Variants in LDLRAD3 observed in about 807,000 individuals in gnomAD.
The protein encoded by LDLRAD3 is low density lipoprotein receptor class A domain containing 3.
LDLRAD3 carries 20 observed loss-of-function variants against 29.4 expected under a neutral mutation model. The observed-to-expected ratio is 0.68, with a 90% CI of 0.48 to 0.99. The LOEUF (loss-of-function observed/expected upper bound fraction) is 0.99. Among genes scored for constraint, LDLRAD3 ranks in the 50% least tolerant of loss-of-function variants. The pLI, the probability that LDLRAD3 is intolerant of heterozygous loss-of-function variation, is 0.00. For missense variants in LDLRAD3, 420 were observed against 454.3 expected, an observed-to-expected ratio of 0.92 and a Z score of 0.69; for synonymous variants, 157 against 192.7, an observed-to-expected ratio of 0.81 and a Z score of 1.53.
chr11:36,120,277 G>C (rs1853736708), intron 4 of LDLRAD3, among the ~76,000 whole-genome samples: 1 of 152,036 alleles, frequency 6.6e-6, no homozygotes, highest in African/African-American at 2.4e-5. Context: ...TAAATGGTTA[G>C]ATCTCTTCTT....
At chr11:36,167,645 G>C (rs369439567) in intron 4 of LDLRAD3, among the ~76,000 whole-genome samples, 2 of 152,172 alleles carry the variant, frequency 1.3e-5, no homozygotes, top group East Asian at 3.9e-4. Context: ...CACCAGCAGC[G>C]AGGAAGAGAC....
intron 1 of LDLRAD3, among the ~76,000 whole-genome samples, chr11:36,011,851 T>G (rs1160111300): frequency 6.6e-6 from 1 of 152,150 alleles, no homozygotes; most frequent in African/African-American, 2.4e-5. Context: ...GTGCAGGCTC[T>G]AACACATAGT....
intron 4 of LDLRAD3, among the ~76,000 whole-genome samples, chr11:36,182,789 C>T (rs1267638360): frequency 6.6e-6 from 1 of 152,212 alleles, no homozygotes. Context: ...AAACCACAGA[C>T]ATCCCCCTTC....
intron 2 of LDLRAD3, among the ~76,000 whole-genome samples, chr11:36,065,109 A>C (rs1852770612): frequency 6.6e-6 from 1 of 152,210 alleles, no homozygotes; most frequent in Non-Finnish European, 1.5e-5. Context: ...TTGAAGATGG[A>C]GTACTGAAGT....
intron 1 of LDLRAD3, chr11:35,968,589 T>C: frequency 5.2e-6 from 1 of 194,086 alleles, no homozygotes. Flanking sequence ...TTCTCTGGGA[T>C]CTGGCTCTGG....
intron 4 of LDLRAD3, among the ~76,000 whole-genome samples, chr11:36,173,956 T>G (rs1233145986): frequency 1.3e-5 from 2 of 152,144 alleles, no homozygotes; most frequent in East Asian, 3.8e-4. Context: ...CTGCCTGACT[T>G]CAAACTACAC....
rs1381270110 is a variant in LDLRAD3, at chr11:36,150,685, G to A, written c.454+52224G>A. Among the ~76,000 whole-genome samples, 4 of 152,116 alleles carry A rather than the reference G, an allele frequency of 2.6e-5. No homozygotes were observed. The East Asian group carries it at 7.7e-4, about 29-fold the overall frequency. On this transcript the variant is annotated intron_variant, in intron 4 of 5. Transcript: ENST00000315571. ...CAGGAGAATGGTGTGAACCCAGGAG[G>A]CAGAGGTTGCCGTGAGCCAAGATTG...
intron 4 of LDLRAD3, among the ~76,000 whole-genome samples, chr11:36,144,219 G>A (rs61879007): frequency 0.18 from 27,140 of 151,334 alleles, 2,862 homozygotes; most frequent in East Asian, 0.32. Flanking sequence ...ACAGAGTTGC[G>A]TTCACTCAGT....
chr11:36,043,735 G>GT (rs1342541062), intron 2 of LDLRAD3, among the ~76,000 whole-genome samples: 3 of 151,952 alleles, frequency 2.0e-5, no homozygotes, highest in African/African-American at 7.3e-5. Flanking sequence ...GAGATGTCCG[G>GT]TTTTTTTTCT....
At chr11:36,020,921 C>T (rs1027099973) in intron 1 of LDLRAD3, among the ~76,000 whole-genome samples, 1 of 152,050 alleles carries the variant, frequency 6.6e-6, no homozygotes, top group African/African-American at 2.4e-5. Context: ...GCCATTAGTG[C>T]CAAAGAGGTA....
intron 4 of LDLRAD3, among the ~76,000 whole-genome samples, chr11:36,135,161 G>A (rs893364339): frequency 3.9e-5 from 6 of 152,160 alleles, no homozygotes; most frequent in African/African-American, 1.4e-4. Flanking sequence ...CAACTTTTCT[G>A]TATAAATCAT....
intron 4 of LDLRAD3, among the ~76,000 whole-genome samples, chr11:36,195,347 T>C (rs904342071): frequency 1.3e-5 from 2 of 152,156 alleles, no homozygotes; most frequent in African/African-American, 4.8e-5. Context: ...TGAAAACCTA[T>C]TTCTTATGGA....
rs78333950 is a variant in LDLRAD3 at position 36,103,904 on chromosome 11, G to A, written c.454+5443G>A. ...TTTTAAAGCTGAGTGGTATTCAGGT[G>A]TATATATGTCACATTTGGTTTATCC... On this transcript the variant is annotated intron_variant, in intron 4 of 5. Transcript: ENST00000315571. 3.4e-3 allele frequency among the ~76,000 whole-genome samples: 521 copies of A among 152,344 alleles called. 4 individuals carry two copies. The highest frequency in any genetic ancestry group is 0.012 in the African/African-American group (500 of 41,564).
At chr11:35,973,123 G>A (rs1204132304) in intron 1 of LDLRAD3, among the ~76,000 whole-genome samples, 1 of 150,294 alleles carries the variant, frequency 6.7e-6, no homozygotes, top group African/African-American at 2.5e-5. Context: ...AGCTGCCCTG[G>A]TCTCCTCCCT....
At chr11:36,122,917 A>G (rs1853780594) in intron 4 of LDLRAD3, among the ~76,000 whole-genome samples, 1 of 144,646 alleles carries the variant, frequency 6.9e-6, no homozygotes, top group South Asian at 2.1e-4. Context: ...CATGCCTGTA[A>G]TAAATACCAG....
chr11:36,021,433 G>A (rs189705546), intron 1 of LDLRAD3, among the ~76,000 whole-genome samples: 1 of 152,174 alleles, frequency 6.6e-6, no homozygotes, highest in Non-Finnish European at 1.5e-5. Flanking sequence ...GTGTGAGGGT[G>A]GCCAAGGGAA....
intron 4 of LDLRAD3, among the ~76,000 whole-genome samples, chr11:36,102,884 C>T (rs1165574079): frequency 6.6e-6 from 1 of 152,098 alleles, no homozygotes; most frequent in African/African-American, 2.4e-5. Flanking sequence ...GGCGGGCAAC[C>T]TCTGATGATC....
intron 1 of LDLRAD3, among the ~76,000 whole-genome samples, chr11:36,030,245 G>C (rs558814845): frequency 6.6e-6 from 1 of 152,348 alleles, no homozygotes; most frequent in African/African-American, 2.4e-5. Context: ...TCATAGTCAG[G>C]CTCCAGCAGG....
At chr11:36,168,729 G>A (rs895564914) in intron 4 of LDLRAD3, among the ~76,000 whole-genome samples, 8 of 152,100 alleles carry the variant, frequency 5.3e-5, no homozygotes, top group African/African-American at 1.4e-4. Context: ...TTCAACATTA[G>A]CCAGGGAGTA....
Sources: gnomAD v4.1 joint callset for allele counts (sites outside exome capture counted in the v4.1 genomes callset) on GRCh38, gnomAD v4.1.1 for gene constraint, MANE v1.5 for transcripts, NCBI Gene and HGNC (gene_info 2026-07-23, HGNC 2026-07-21) for gene names.